Variants in NHSL1 observed in about 807,000 individuals in gnomAD.
NHSL1 encodes NHS like 1.
NHSL1 carries 48 observed loss-of-function variants against 95.0 expected under a neutral mutation model. The observed-to-expected ratio is 0.51, with a 90% CI of 0.40 to 0.64. NHSL1 has a LOEUF of 0.64. Among genes scored for constraint, NHSL1 ranks in the 30% least tolerant of loss-of-function variants. The pLI is 0.00. For synonymous variants in NHSL1, 783 were observed against 833.9 expected (o/e 0.94, Z 1.05); for missense variants, 1,971 against 2,077.7 (o/e 0.95, Z 1.00).
chr6:138,439,923 G>A (rs1386723350), intron 5 of NHSL1, among the ~76,000 whole-genome samples: 1 of 152,166 alleles, frequency 6.6e-6, no homozygotes, highest in Non-Finnish European at 1.5e-5. Flanking sequence ...TTATCTAGCT[G>A]GCCAGAACAT....
Position 138,430,983 on chromosome 6 carries a change from C to A in NHSL1, c.3362G>T (p.Ser1121Ile), listed in dbSNP as rs1368711794. ...GCTTTCACTCTCCATTTCATTTGTGCTATTTCGGGATTTCAGGAAAGCAGA... is the reference window on the plus strand; with the variant it reads ...GCTTTCACTCTCCATTTCATTTGTGATATTTCGGGATTTCAGGAAAGCAGA... ...KPSAFLKSRN[S>I]TNEMESESQP... Residue 1121 changes from serine (S) to isoleucine (I), a missense_variant, in exon 6 of 8, where the codon AGC becomes ATC. By Grantham distance (142) the Ser-to-Ile change is moderately radical. Coordinates refer to ENST00000343505, the MANE Select transcript of NHSL1 (RefSeq NM_001144060.2). This position sits in a 1 kb window ranked among gnomAD's most constrained non-coding sequence, Gnocchi z 4.7. 10 of 1,552,012 alleles carry A rather than the reference C, an allele frequency of 6.4e-6. No individual in the cohort carries two copies. Among genetic ancestry groups the A allele is most frequent in the Non-Finnish European group, 7.0e-6 (8 of 1,147,110 alleles).
chr6:138,435,721 T>G (rs768449738), intron 5 of NHSL1, among the ~76,000 whole-genome samples: 13 of 151,992 alleles, frequency 8.6e-5, no homozygotes, highest in Admixed American at 6.6e-5. Flanking sequence ...GGTTTTTTTT[T>G]TTGTTTTTTT....
intron 1 of NHSL1, among the ~76,000 whole-genome samples, chr6:138,529,504 T>C (rs1232633112): frequency 2.0e-5 from 3 of 152,222 alleles, no homozygotes; most frequent in Non-Finnish European, 2.9e-5. Flanking sequence ...AATACCCATT[T>C]ATTATCTCAC....
intron 1 of NHSL1, among the ~76,000 whole-genome samples, chr6:138,674,684 G>A (rs1463219160): frequency 6.6e-6 from 1 of 152,144 alleles, no homozygotes; most frequent in Non-Finnish European, 1.5e-5. Context: ...ATTCCATGGT[G>A]TATACATGCC....
At chr6:138,591,349 G>A (rs1042256159) in intron 1 of NHSL1, among the ~76,000 whole-genome samples, 1 of 152,184 alleles carries the variant, frequency 6.6e-6, no homozygotes, top group Non-Finnish European at 1.5e-5. Flanking sequence ...AGGTACCTGA[G>A]GTTAACTGTG....
At chr6:138,429,651 G>T in intron 7 of NHSL1, 60 bp downstream of exon 7, 1 of 1,410,090 alleles carries the variant, frequency 7.1e-7, no homozygotes, top group South Asian at 1.5e-5. Flanking sequence ...AAATTGAGGT[G>T]CTGCTTGGAA....
At chr6:138,547,139 G>A (rs1243897085), upstream of NHSL1, among the ~76,000 whole-genome samples, 1 of 152,122 alleles carries the variant, frequency 6.6e-6, no homozygotes, top group Non-Finnish European at 1.5e-5. Flanking sequence ...ACACAGTAAG[G>A]ATGCTCTATG....
chr6:138,559,087 T>C (rs1783314047), intron 1 of NHSL1, among the ~76,000 whole-genome samples: 1 of 151,938 alleles, frequency 6.6e-6, no homozygotes, highest in Non-Finnish European at 1.5e-5. Flanking sequence ...CACCAAAACA[T>C]TGCTTTTGTT....
At chr6:138,671,076 A>G (rs1308196807) in intron 1 of NHSL1, among the ~76,000 whole-genome samples, 1 of 152,138 alleles carries the variant, frequency 6.6e-6, no homozygotes, top group Non-Finnish European at 1.5e-5. Flanking sequence ...GATCACTTGA[A>G]GCCAGGAGTT....
At chr6:138,606,657 C>T (rs1314991170) in intron 1 of NHSL1, among the ~76,000 whole-genome samples, 1 of 151,852 alleles carries the variant, frequency 6.6e-6, no homozygotes, top group Non-Finnish European at 1.5e-5. Flanking sequence ...CTGGCAGTGT[C>T]CCTACCCCAC....
chr6:138,443,653 C>T (rs1037048596), intron 4 of NHSL1, among the ~76,000 whole-genome samples: 9 of 152,064 alleles, frequency 5.9e-5, no homozygotes, highest in Non-Finnish European at 1.2e-4. Flanking sequence ...ATGGTGAAAT[C>T]CTGTCTCTAC....
intron 1 of NHSL1, among the ~76,000 whole-genome samples, chr6:138,657,204 G>C (rs1785168257): frequency 6.6e-6 from 1 of 152,090 alleles, no homozygotes; most frequent in Non-Finnish European, 1.5e-5. Context: ...TCCAGGATTA[G>C]TGCAGCTGCT....
chr6:138,538,952 C>A (rs1015661623), intron 1 of NHSL1, among the ~76,000 whole-genome samples: 1 of 152,112 alleles, frequency 6.6e-6, no homozygotes, highest in Admixed American at 6.5e-5. Context: ...CCCCCTCCCC[C>A]AAGTTAAACC....
chr6:138,593,918 G>C (rs1020124353), intron 1 of NHSL1, among the ~76,000 whole-genome samples: 2 of 152,170 alleles, frequency 1.3e-5, no homozygotes, highest in African/African-American at 4.8e-5. Flanking sequence ...AAGTGACTTG[G>C]GCAGTTTTTC....
intron 1 of NHSL1, among the ~76,000 whole-genome samples, chr6:138,649,324 C>A (rs764905580): frequency 3.3e-5 from 5 of 152,014 alleles, no homozygotes; most frequent in Non-Finnish European, 5.9e-5. Flanking sequence ...AGCTTTACTT[C>A]CTCAAGTCAA....
intron 1 of NHSL1, among the ~76,000 whole-genome samples, chr6:138,506,398 A>G (rs1346898844): frequency 6.6e-6 from 1 of 152,228 alleles, no homozygotes; most frequent in Non-Finnish European, 1.5e-5. Context: ...TGCAAAGCAA[A>G]CTAGTAACAC....
At chr6:138,679,916 T>C (rs1250269491) in intron 1 of NHSL1, among the ~76,000 whole-genome samples, 1 of 152,158 alleles carries the variant, frequency 6.6e-6, no homozygotes, top group Admixed American at 6.5e-5. Context: ...TAATTAAATA[T>C]AGATAGATCC....
At chr6:138,485,186 T>C (rs760369098) in intron 2 of NHSL1, among the ~76,000 whole-genome samples, 77 of 152,136 alleles carry the variant, frequency 5.1e-4, no homozygotes, top group Non-Finnish European at 8.5e-4. Context: ...GAGACTTCGG[T>C]TGTATCGTGA....
chr6:138,471,284 A>G, intron 3 of NHSL1, among the ~76,000 whole-genome samples: 1 of 152,158 alleles, frequency 6.6e-6, no homozygotes, highest in East Asian at 1.9e-4. Context: ...GTCTCTACAC[A>G]CCCAGAAACC....
Sources: gnomAD v4.1 joint callset for allele counts (sites outside exome capture counted in the v4.1 genomes callset) on GRCh38, gnomAD v4.1.1 for gene constraint, Gnocchi (gnomAD v3.1) non-coding constraint, MANE v1.5 for transcripts, NCBI Gene and HGNC (gene_info 2026-07-23, HGNC 2026-07-21) for gene names.